KALRN: variants seen among roughly 807,000 people sequenced by gnomAD.
KALRN encodes kalirin.
KALRN carries 70 observed loss-of-function variants against 353.7 expected under a neutral mutation model. The ratio of observed to expected loss-of-function variants is 0.20; its 90% CI spans 0.16 to 0.24. The LOEUF (loss-of-function observed/expected upper bound fraction) is 0.24, where lower values mean the gene tolerates loss of function less well. Ranked by LOEUF, KALRN falls within the 10% of genes least tolerant of loss-of-function variation. The probability of loss-of-function intolerance (pLI) is 1.00; values close to 1 mark genes in which losing one functional copy is unlikely to be tolerated. For synonymous variants in KALRN, 1,391 were observed against 1,434.8 expected, an observed-to-expected ratio of 0.97 and a Z score of 0.69; for missense variants, 2,791 against 3,756.7, an observed-to-expected ratio of 0.74 and a Z score of 6.72.
At chr3:124,370,696 C>A (rs993685961) in intron 10 of KALRN, among the ~76,000 whole-genome samples, 5 of 152,208 alleles carry the variant, frequency 3.3e-5, no homozygotes, top group African/African-American at 1.2e-4. Context: ...CTTGATCACA[C>A]TTGTTTAAAA....
intron 1 of KALRN, among the ~76,000 whole-genome samples, chr3:124,034,205 G>C (rs892719029): frequency 1.4e-4 from 22 of 151,978 alleles, no homozygotes; most frequent in African/African-American, 5.1e-4. Flanking sequence ...TGTCAGCGGG[G>C]CTCCCGGCGG....
intron 1 of KALRN, among the ~76,000 whole-genome samples, chr3:124,041,186 T>C (rs2039934250): frequency 6.6e-6 from 1 of 152,122 alleles, no homozygotes; most frequent in Non-Finnish European, 1.5e-5. Flanking sequence ...TGAAGGAGGC[T>C]GAGAAGGTCA....
chr3:124,557,686 GT>G (rs2071439449), intron 33 of KALRN, among the ~76,000 whole-genome samples: 1 of 152,232 alleles, frequency 6.6e-6, no homozygotes, highest in Non-Finnish European at 1.5e-5. Context: ...CTGGCTAAGA[GT>G]TGTGGAGGAA....
chr3:124,679,700 A>G (rs1356571714), intron 51 of KALRN, 183 bp downstream of exon 51: 2 of 688,692 alleles, frequency 2.9e-6, no homozygotes, highest in Non-Finnish European at 5.4e-6. Flanking sequence ...CAGTGTTGGT[A>G]GAAAACTCTA....
intron 1 of KALRN, among the ~76,000 whole-genome samples, chr3:124,097,926 G>A (rs545322211): frequency 1.4e-4 from 21 of 152,292 alleles, no homozygotes; most frequent in Admixed American, 6.5e-5. Flanking sequence ...GCTTATAGAC[G>A]TTGACTAAGG....
intron 12 of KALRN, 156 bp downstream of exon 12, chr3:124,395,499 A>G (rs985829115): frequency 5.1e-6 from 3 of 583,414 alleles, no homozygotes; most frequent in African/African-American, 3.7e-5. Flanking sequence ...ACCATACTCA[A>G]CTTGAATCTA....
chr3:124,539,914 A>ATT (rs199686976), intron 33 of KALRN, among the ~76,000 whole-genome samples: 1 of 97,362 alleles, frequency 1.0e-5, no homozygotes, highest in Non-Finnish European at 2.0e-5. Flanking sequence ...CACCAAGCTA[A>ATT]TTTTTTTTGG....
At chr3:124,119,777 G>A (rs1300414870) in intron 1 of KALRN, among the ~76,000 whole-genome samples, 2 of 152,220 alleles carry the variant, frequency 1.3e-5, no homozygotes, top group Non-Finnish European at 2.9e-5. Context: ...TAGGGAGGAT[G>A]GCTTCAGGGT....
intron 1 of KALRN, among the ~76,000 whole-genome samples, chr3:124,226,028 G>T (rs1055072469): frequency 6.6e-6 from 1 of 152,054 alleles, no homozygotes; most frequent in Non-Finnish European, 1.5e-5. Flanking sequence ...AGAGGAAAGC[G>T]TTTTAAAATT....
intron 3 of KALRN, among the ~76,000 whole-genome samples, chr3:124,257,136 C>A (rs2072129907): frequency 1.3e-5 from 2 of 152,130 alleles, no homozygotes; most frequent in Non-Finnish European, 2.9e-5. Flanking sequence ...GTTCACCTTG[C>A]AGATGTTGTT....
chr3:124,323,073 C>T (rs758139494), intron 6 of KALRN, among the ~76,000 whole-genome samples: 10 of 146,152 alleles, frequency 6.8e-5, no homozygotes, highest in Non-Finnish European at 1.5e-4. Context: ...GACATTTCTC[C>T]GCCTGCTGAT....
At chr3:124,689,923 G>C (rs2061733489) in intron 51 of KALRN, among the ~76,000 whole-genome samples, 1 of 152,166 alleles carries the variant, frequency 6.6e-6, no homozygotes, top group South Asian at 2.1e-4. Flanking sequence ...CATGGTCAGA[G>C]ACTTAGAGGT....
Position 124,152,194 on chromosome 3 carries a change from A to G in KALRN, c.74-75796A>G, listed in dbSNP as rs765349346. On this transcript the variant is annotated intron_variant, in intron 1 of 59. Transcript: ENST00000682506. Reference sequence around the variant, plus strand: ...AATCAAAGTGTTATCTGTCAAAGCAATTCGCTTCTTATTGATTTTGCCATA... The same window carrying G: ...AATCAAAGTGTTATCTGTCAAAGCAGTTCGCTTCTTATTGATTTTGCCATA... 3.1e-4 allele frequency: 495 copies of G among 1,574,324 alleles called. 1 individual carries two copies. The highest frequency in any genetic ancestry group is 4.2e-4 in the Non-Finnish European group (485 of 1,159,838).
intron 1 of KALRN, among the ~76,000 whole-genome samples, chr3:124,210,709 A>T (rs1486390701): frequency 6.6e-6 from 1 of 152,222 alleles, no homozygotes; most frequent in Non-Finnish European, 1.5e-5. Context: ...TGTTATTGGC[A>T]TGGAACAATC....
intron 51 of KALRN, among the ~76,000 whole-genome samples, chr3:124,681,260 A>G (rs879535): frequency 0.16 from 25,069 of 152,198 alleles, 2,478 homozygotes; most frequent in Middle Eastern, 0.29. Context: ...TAGATAAAAA[A>G]CATGTGTGTG....
intron 3 of KALRN, among the ~76,000 whole-genome samples, chr3:124,254,416 A>G (rs929338057): frequency 1.0e-5 from 1 of 96,598 alleles, no homozygotes; most frequent in Non-Finnish European, 2.1e-5. Flanking sequence ...CTATGCATCT[A>G]TGAAGCAAAA....
At chr3:124,399,673 G>A (rs2090615052) in intron 13 of KALRN, among the ~76,000 whole-genome samples, 1 of 152,182 alleles carries the variant, frequency 6.6e-6, no homozygotes, top group Admixed American at 6.5e-5. Context: ...TGTATCCGCA[G>A]TTTGATTTCT....
intron 34 of KALRN, among the ~76,000 whole-genome samples, chr3:124,570,776 G>T (rs762600746): frequency 2.0e-5 from 3 of 152,076 alleles, no homozygotes; most frequent in Admixed American, 2.0e-4. Context: ...GGATAAAACC[G>T]GTTCTTGAAT....
At chr3:124,554,586 G>C (rs1438670072) in intron 33 of KALRN, among the ~76,000 whole-genome samples, 1 of 152,028 alleles carries the variant, frequency 6.6e-6, no homozygotes, top group Non-Finnish European at 1.5e-5. Flanking sequence ...TCTTTCTGAG[G>C]ATTTTATAGT....
Sources: allele counts gnomAD v4.1 joint callset (sites outside exome capture counted in the v4.1 genomes callset), GRCh38; gene constraint gnomAD v4.1.1; transcripts MANE v1.5; gene names NCBI Gene and HGNC (gene_info 2026-07-23, HGNC 2026-07-21).